GLMN: variants seen among roughly 807,000 people sequenced by gnomAD.
The protein encoded by GLMN is glomulin, FKBP associated protein.
A neutral mutation model predicts 87.8 loss-of-function variants in GLMN; 75 were observed. The observed-to-expected ratio is 0.85, with a 90% CI of 0.71 to 1.04. The LOEUF (loss-of-function observed/expected upper bound fraction) is 1.04. Among genes scored for constraint, GLMN ranks in the 50% least tolerant of loss-of-function variants. The probability of loss-of-function intolerance (pLI) is 0.00; values close to 1 mark genes in which losing one functional copy is unlikely to be tolerated. For synonymous variants in GLMN, 206 were observed against 221.6 expected, an observed-to-expected ratio of 0.93 and a Z score of 0.63; for missense variants, 588 against 658.8, an observed-to-expected ratio of 0.89 and a Z score of 1.18.
the GLMN span, among the ~76,000 whole-genome samples, chr1:92,328,582 C>A: frequency 6.6e-6 from 1 of 152,180 alleles, no homozygotes; most frequent in Non-Finnish European, 1.5e-5. Flanking sequence ...TTAAGTTGGG[C>A]CTCACCTTTC....
chr1:92,370,552 T>G, the GLMN span, among the ~76,000 whole-genome samples: 11 of 152,262 alleles, frequency 7.2e-5, no homozygotes, highest in African/African-American at 1.9e-4. Flanking sequence ...TGTCTAGAAT[T>G]TAAGGTTTAT....
At chr1:92,304,327 T>C in the GLMN span, 1 of 1,524,784 alleles carries the variant, frequency 6.6e-7, no homozygotes, top group Non-Finnish European at 9.0e-7. Context: ...ACCAATAAAG[T>C]CTATGATATT....
chr1:92,358,243 A>G, the GLMN span, among the ~76,000 whole-genome samples: 3 of 152,066 alleles, frequency 2.0e-5, no homozygotes, highest in African/African-American at 7.2e-5. Context: ...GCCTCATCTC[A>G]CACCATCCTA....
the GLMN span, among the ~76,000 whole-genome samples, chr1:92,367,343 G>A: frequency 9.0e-4 from 137 of 152,228 alleles, 1 homozygote; most frequent in African/African-American, 2.8e-3. Context: ...TATCCCAGAC[G>A]GCTTTTGCGT....
At chr1:92,292,790 G>A (rs1390445343) in intron 3 of GLMN, among the ~76,000 whole-genome samples, 9 of 149,220 alleles carry the variant, frequency 6.0e-5, no homozygotes, top group Admixed American at 6.0e-4. Context: ...CACTTTGGGA[G>A]GCTGAGGTGG....
chr1:92,285,015 G>C (rs1234646285), intron 7 of GLMN, among the ~76,000 whole-genome samples: 10 of 152,142 alleles, frequency 6.6e-5, no homozygotes, highest in African/African-American at 2.4e-4. Flanking sequence ...CACTGTTGGT[G>C]GGAGTGTAAA....
At chr1:92,363,781 TTTCTC>T in the GLMN span, 25 of 292,996 alleles carry the variant, frequency 8.5e-5, no homozygotes, top group Non-Finnish European at 3.4e-5. Context: ...GTAAATATAT[TTTCTC>T]TTCTTTATGA....
At chr1:92,366,066 C>A in the GLMN span, among the ~76,000 whole-genome samples, 6 of 152,174 alleles carry the variant, frequency 3.9e-5, no homozygotes, top group African/African-American at 1.2e-4. Flanking sequence ...ACAAAGGGAA[C>A]AACTAGGAAA....
intron 16 of GLMN, among the ~76,000 whole-genome samples, chr1:92,259,356 A>T (rs1441050317): frequency 1.3e-5 from 2 of 152,204 alleles, no homozygotes; most frequent in Non-Finnish European, 2.9e-5. Flanking sequence ...AATATTCAAG[A>T]AAAGTTATAT....
At chr1:92,339,708 ATAT>A in the GLMN span, among the ~76,000 whole-genome samples, 1 of 152,034 alleles carries the variant, frequency 6.6e-6, no homozygotes, top group African/African-American at 2.4e-5. Flanking sequence ...GTTTTTTAAA[ATAT>A]TATTATTATT....
chr1:92,310,108 TAATC>T, the GLMN span, among the ~76,000 whole-genome samples: 1 of 152,326 alleles, frequency 6.6e-6, no homozygotes, highest in East Asian at 1.9e-4. Context: ...AAACAGTGAA[TAATC>T]TATATATATG....
intron 16 of GLMN, among the ~76,000 whole-genome samples, chr1:92,253,850 G>A (rs1012178980): frequency 6.6e-6 from 1 of 152,154 alleles, no homozygotes; most frequent in African/African-American, 2.4e-5. Context: ...CCAAGCACAC[G>A]AACACCTCTT....
intron 7 of GLMN, among the ~76,000 whole-genome samples, chr1:92,273,416 GT>G (rs1283919696): frequency 1.4e-5 from 2 of 140,782 alleles, no homozygotes; most frequent in Admixed American, 7.1e-5. Flanking sequence ...TGCTACATGT[GT>G]TTTTTCCAGA....
the GLMN span, among the ~76,000 whole-genome samples, chr1:92,308,301 C>T: frequency 1.3e-5 from 2 of 152,172 alleles, no homozygotes; most frequent in African/African-American, 4.8e-5. Context: ...CATCATTTCA[C>T]CACCAGTCTG....
At chr1:92,269,016 A>G (rs1264428925) in intron 9 of GLMN, among the ~76,000 whole-genome samples, 1 of 149,970 alleles carries the variant, frequency 6.7e-6, no homozygotes. Context: ...CCTCCCAGGC[A>G]CAGGTGATTC....
intron 3 of GLMN, among the ~76,000 whole-genome samples, chr1:92,293,604 G>T (rs549374643): frequency 6.6e-6 from 1 of 152,012 alleles, no homozygotes; most frequent in Non-Finnish European, 1.5e-5. Flanking sequence ...TCCCACTGCT[G>T]GGTATATACC....
chr1:92,286,151 A>G (rs1039225855), intron 7 of GLMN, among the ~76,000 whole-genome samples: 1 of 151,780 alleles, frequency 6.6e-6, no homozygotes, highest in African/African-American at 2.4e-5. Flanking sequence ...TACTAAGTCC[A>G]TACCATGGAA....
At chr1:92,294,052 A>G (rs964405585) in intron 3 of GLMN, among the ~76,000 whole-genome samples, 3 of 152,162 alleles carry the variant, frequency 2.0e-5, no homozygotes, top group Non-Finnish European at 4.4e-5. Flanking sequence ...TGATAGCACA[A>G]CAGGGTGACT....
chr1:92,346,086 G>A, the GLMN span, among the ~76,000 whole-genome samples: 7 of 151,402 alleles, frequency 4.6e-5, no homozygotes, highest in African/African-American at 1.5e-4. Context: ...AAAGTGATAT[G>A]TAATTATTCT....
Sources: gnomAD v4.1 joint callset for allele counts (sites outside exome capture counted in the v4.1 genomes callset) on GRCh38, gnomAD v4.1.1 for gene constraint, MANE v1.5 for transcripts, NCBI Gene and HGNC (gene_info 2026-07-23, HGNC 2026-07-21) for gene names.